The following PTPRE variants were observed in gnomAD, a reference collection of about 807,000 sequenced individuals.
PTPRE encodes the protein receptor-type tyrosine-protein phosphatase epsilon.
PTPRE carries 51 observed loss-of-function variants against 102.0 expected under a neutral mutation model. That is an observed-to-expected ratio of 0.50 (90% confidence interval 0.40 to 0.63). The LOEUF (loss-of-function observed/expected upper bound fraction) is 0.63, where lower values mean the gene tolerates loss of function less well. Among genes scored for constraint, PTPRE ranks in the 30% least tolerant of loss-of-function variants. PTPRE has a pLI of 0.00. For missense variants in PTPRE, 752 were observed against 915.1 expected, an observed-to-expected ratio of 0.82 and a Z score of 2.30; for synonymous variants, 345 against 348.2, an observed-to-expected ratio of 0.99 and a Z score of 0.10.
chr10:128,073,591 G>A, intron 17 of PTPRE, 120 bp downstream of exon 17: 1 of 1,206,484 alleles, frequency 8.3e-7, no homozygotes, highest in Non-Finnish European at 1.1e-6. Context: ...GACCAAGCCA[G>A]GACCACTAGG....
chr10:128,048,617 C>T (rs536489839), intron 5 of PTPRE, among the ~76,000 whole-genome samples: 6 of 152,288 alleles, frequency 3.9e-5, no homozygotes, highest in East Asian at 1.9e-4. Flanking sequence ...CCTGGTTAGA[C>T]GATAATGTGG....
intron 1 of PTPRE, among the ~76,000 whole-genome samples, chr10:127,921,740 G>A (rs1286586955): frequency 1.3e-5 from 2 of 152,206 alleles, no homozygotes; most frequent in African/African-American, 4.8e-5. Flanking sequence ...AGTGAGGCCA[G>A]GGCAGCTGCA....
Position 128,069,676 on chromosome 10 carries a change from T to C in PTPRE, c.1008-16T>C, listed in dbSNP as rs1255205145. 6.2e-7 allele frequency: 1 copy of C among 1,613,838 alleles called. No homozygotes were observed. Among genetic ancestry groups the C allele is most frequent in the African/African-American group, 1.3e-5 (1 of 74,928 alleles). ...GAGTGTGACTCACGACGCAGCATCT[T>C]TCTCTTTCCCCAAAGCGCGGGCGTG... On this transcript the variant is annotated splice_polypyrimidine_tract_variant and intron_variant, in intron 12 of 20. Coordinates refer to ENST00000254667, the MANE Select transcript of PTPRE (RefSeq NM_006504.6).
chr10:127,911,896 A>C (rs1845894529), intron 1 of PTPRE, among the ~76,000 whole-genome samples: 1 of 152,052 alleles, frequency 6.6e-6, no homozygotes, highest in Admixed American at 6.5e-5. Context: ...TTTTTCACCA[A>C]AAGCAGAGTG....
chr10:128,057,217 CA>C (rs35277095), intron 7 of PTPRE, among the ~76,000 whole-genome samples: 26,937 of 140,860 alleles, frequency 0.19, 2,780 homozygotes, highest in African/African-American at 0.3. Flanking sequence ...AACTCCATCT[CA>C]AAAAAAAAAA....
intron 2 of PTPRE, chr10:127,998,608 G>A (rs2135542556): frequency 6.6e-6 from 1 of 152,328 alleles, no homozygotes; most frequent in Middle Eastern, 3.4e-3. Flanking sequence ...GTGAGTGCCT[G>A]GCGCTGCACA....
At chr10:128,075,620 T>C (rs1216384005) in intron 17 of PTPRE, among the ~76,000 whole-genome samples, 6 of 152,250 alleles carry the variant, frequency 3.9e-5, no homozygotes, top group Non-Finnish European at 7.3e-5. Flanking sequence ...TAATTCCTAA[T>C]TGCTTTCCAA....
chr10:128,074,144 C>T (rs530118948), intron 17 of PTPRE, among the ~76,000 whole-genome samples: 1 of 152,288 alleles, frequency 6.6e-6, no homozygotes, highest in African/African-American at 2.4e-5. Flanking sequence ...ATGGGTTTGT[C>T]TATTCTGGAC....
At chr10:127,982,006 G>A (rs947700079) in intron 1 of PTPRE, among the ~76,000 whole-genome samples, 1 of 152,140 alleles carries the variant, frequency 6.6e-6, no homozygotes, top group Non-Finnish European at 1.5e-5. Flanking sequence ...GCTGACTGAT[G>A]GAGCATCTTG....
chr10:128,058,067 C>T (rs139722529), intron 7 of PTPRE, among the ~76,000 whole-genome samples: 219 of 152,296 alleles, frequency 1.4e-3, no homozygotes, highest in African/African-American at 5.0e-3. Flanking sequence ...TTCCTGAATT[C>T]CTCATTTCTC....
chr10:127,946,109 T>C (rs901915724), intron 1 of PTPRE, among the ~76,000 whole-genome samples: 3 of 152,138 alleles, frequency 2.0e-5, no homozygotes, highest in African/African-American at 4.8e-5. Context: ...GGTCAGATGC[T>C]GTGGGGTCAG....
intron 1 of PTPRE, among the ~76,000 whole-genome samples, chr10:127,941,469 G>A (rs1848240193): frequency 6.6e-6 from 1 of 152,238 alleles, no homozygotes; most frequent in South Asian, 2.1e-4. Flanking sequence ...CGGCCACAGG[G>A]GTGCCCTGCT....
chr10:127,936,743 C>T (rs560592803), intron 1 of PTPRE, among the ~76,000 whole-genome samples: 28 of 152,212 alleles, frequency 1.8e-4, no homozygotes, highest in Non-Finnish European at 2.9e-4. Flanking sequence ...ATGGTAGTAA[C>T]TCTATTGGAG....
intron 9 of PTPRE, among the ~76,000 whole-genome samples, chr10:128,062,078 GA>G (rs1199534806): frequency 6.6e-6 from 1 of 152,220 alleles, no homozygotes; most frequent in African/African-American, 2.4e-5. Context: ...CCATAACTAA[GA>G]ATATACTTCA....
Position 128,056,262 on chromosome 10 carries a change from C to T in PTPRE, c.511+49C>T, listed in dbSNP as rs756280851. ...CATGATCAATGGTGTTTGCACTAAA[C>T]TCAGCTTTGCCTTGCAGCTCCCCGT... On this transcript the variant is annotated intron_variant, in intron 7 of 20. Transcript: ENST00000254667. The T allele has an allele frequency of 4.1e-5, 62 of 1,498,574 alleles. No individual in the cohort carries two copies. In the East Asian group the frequency reaches 1.4e-3, roughly 33 times the overall value. The allele number at this position is 1,498,574 out of a possible 1,614,324, so 92.8% of individuals were successfully genotyped here. A position where few individuals can be genotyped will look rare whatever the true frequency, so the allele number is the denominator to read the frequency against.
chr10:128,022,506 C>T (rs955779966), intron 2 of PTPRE, among the ~76,000 whole-genome samples: 2 of 152,202 alleles, frequency 1.3e-5, no homozygotes, highest in Non-Finnish European at 2.9e-5. Flanking sequence ...CGTGCTGACT[C>T]CCCCAGTGAG....
At chr10:128,010,545 C>CCTTTTTTCTTTTCTTTTCTTTTCTTTT (rs1844895309) in intron 2 of PTPRE, among the ~76,000 whole-genome samples, 1 of 128,278 alleles carries the variant, frequency 7.8e-6, no homozygotes, top group South Asian at 2.6e-4. Flanking sequence ...AAACCCTGTT[C>CCTTTTTTCTTTTCTTTTCTTTTCTTTT]CTTTTCTTTT....
rs146767479 is a variant in PTPRE at position 127,912,011 on chromosome 10, C to T, written c.-31+4702C>T. Among the ~76,000 whole-genome samples, 189 of 152,162 alleles carry T rather than the reference C, an allele frequency of 1.2e-3. No homozygotes were observed. The Middle Eastern group carries it at 0.014, about 11-fold the overall frequency. The stretch of plus-strand genomic sequence containing the variant: ...TTGAGCAGACACAGATGAGCAGTTG[C>T]GGGGTCGTTCGCTGCTGGATGTGGG... On this transcript the variant is annotated intron_variant, in intron 1 of 20. Transcript: ENST00000254667.
chr10:128,052,025 C>T (rs542129356), intron 6 of PTPRE, among the ~76,000 whole-genome samples: 2 of 152,096 alleles, frequency 1.3e-5, no homozygotes, highest in Admixed American at 1.3e-4. Flanking sequence ...ACCATGCCCA[C>T]TGGCTTTTTT....
Sources: allele counts gnomAD v4.1 joint callset (sites outside exome capture counted in the v4.1 genomes callset), GRCh38; gene constraint gnomAD v4.1.1; transcripts MANE v1.5; gene names NCBI Gene and HGNC (gene_info 2026-07-23, HGNC 2026-07-21).